The following CCDC126 variants were observed in gnomAD, a reference collection of about 807,000 sequenced individuals.
CCDC126 encodes coiled-coil domain-containing protein 126.
Under a neutral mutation model 11.7 loss-of-function variants are expected in CCDC126, and 5 were observed. That is an observed-to-expected ratio of 0.43 (90% confidence interval 0.22 to 0.90). The LOEUF (loss-of-function observed/expected upper bound fraction) is 0.90, where lower values mean the gene tolerates loss of function less well. Ranked by LOEUF, CCDC126 falls within the 40% of genes least tolerant of loss-of-function variation. The probability of loss-of-function intolerance (pLI) is 0.27; values close to 1 mark genes in which losing one functional copy is unlikely to be tolerated. For missense variants in CCDC126, 150 were observed against 163.1 expected (o/e 0.92, Z 0.44); for synonymous variants, 60 against 61.9 (o/e 0.97, Z 0.14).
intron 3 of CCDC126, among the ~76,000 whole-genome samples, chr7:23,618,765 G>T (rs1452880630): frequency 2.0e-5 from 3 of 151,686 alleles, no homozygotes; most frequent in African/African-American, 7.3e-5. Flanking sequence ...TTCAAGGCCA[G>T]GTTGGCCTTG....
chr7:23,617,366 A>AG (rs1782812770), intron 3 of CCDC126, among the ~76,000 whole-genome samples: 1 of 151,430 alleles, frequency 6.6e-6, no homozygotes, highest in African/African-American at 2.4e-5. Context: ...AAAAAAAAAA[A>AG]AAAAAAAAGA....
chr7:23,610,751 T>C lies in CCDC126; in HGVS notation c.-145-420T>C, dbSNP rs372888218. Among the ~76,000 whole-genome samples, 5 of 152,170 alleles carry C rather than the reference T, an allele frequency of 3.3e-5. No homozygotes were observed. In the East Asian group the frequency reaches 9.6e-4, roughly 29 times the overall value. ...TTAGACAGGCATTTTGATTTTCCGA[T>C]CCTTTTTCTTTCCTTCTTCCTAACT... On this transcript the variant is annotated intron_variant, in intron 2 of 3. Transcript: ENST00000307471.
At chr7:23,617,074 C>T (rs543145035) in intron 3 of CCDC126, among the ~76,000 whole-genome samples, 8 of 151,936 alleles carry the variant, frequency 5.3e-5, no homozygotes, top group South Asian at 2.1e-4. Flanking sequence ...TTGGGCTGGG[C>T]GCGGTGGCTC....
chr7:23,627,951 T>C (rs1337322742), intron 3 of CCDC126, among the ~76,000 whole-genome samples: 2 of 152,190 alleles, frequency 1.3e-5, no homozygotes, highest in African/African-American at 2.4e-5. Flanking sequence ...TTAAAAATTA[T>C]TGCTCTTGCA....
intron 3 of CCDC126, among the ~76,000 whole-genome samples, chr7:23,638,656 A>G (rs1417230790): frequency 6.0e-5 from 7 of 116,160 alleles, no homozygotes; most frequent in African/African-American, 2.1e-4. Flanking sequence ...TCCCTCCACT[A>G]TTGTCCTATG....
chr7:23,610,357 G>A (rs889616899), intron 2 of CCDC126, among the ~76,000 whole-genome samples: 6 of 152,034 alleles, frequency 3.9e-5, no homozygotes, highest in African/African-American at 1.4e-4. Flanking sequence ...GACTACAGGC[G>A]CATGCCACCA....
At chr7:23,618,743 G>A (rs889581391) in intron 3 of CCDC126, among the ~76,000 whole-genome samples, 15 of 151,416 alleles carry the variant, frequency 9.9e-5, no homozygotes, top group African/African-American at 3.6e-4. Context: ...GTAGAGATGA[G>A]GTTTTACCAT....
Position 23,644,694 on chromosome 7 carries a change from T to C in CCDC126, c.*1579T>C, listed in dbSNP as rs189430640. The stretch of plus-strand genomic sequence containing the variant: ...TTGTTTTCAGGGATGAAATAAAATA[T>C]ATTATTTCTACCTACAAAGTATTAC... On this transcript the variant is annotated 3_prime_UTR_variant, in exon 4 of 4. Coordinates refer to ENST00000307471, the MANE Select transcript of CCDC126 (RefSeq NM_138771.4). 3.2e-4 allele frequency: 49 copies of C among 152,556 alleles called. No individual in the cohort carries two copies. Among genetic ancestry groups the C allele is most frequent in the African/African-American group, 1.2e-3 (48 of 41,576 alleles). The allele number at this position is 152,556 out of a possible 1,614,324, so 9.5% of individuals were successfully genotyped here.
intron 3 of CCDC126, among the ~76,000 whole-genome samples, chr7:23,615,528 T>G (rs1782782410): frequency 6.6e-6 from 1 of 152,276 alleles, no homozygotes; most frequent in Non-Finnish European, 1.5e-5. Context: ...ACAACTTGGC[T>G]GTTTGGCACA....
chr7:23,627,697 C>T (rs1261845137), intron 3 of CCDC126, among the ~76,000 whole-genome samples: 5 of 152,116 alleles, frequency 3.3e-5, no homozygotes, highest in Non-Finnish European at 5.9e-5. Flanking sequence ...CTCCTGGGCT[C>T]AAGTGATCCT....
chr7:23,597,797 T>A (rs227937), intron 1 of CCDC126, 170 bp from the exon 2 acceptor site: 2 of 151,830 alleles, frequency 1.3e-5, no homozygotes, highest in Non-Finnish European at 2.9e-5. Context: ...TGTCCCTTCC[T>A]TTGGGCCGCG....
chr7:23,597,698 C>T (rs1021983260), intron 1 of CCDC126, 93 bp downstream of exon 1: 5 of 152,734 alleles, frequency 3.3e-5, no homozygotes, highest in Non-Finnish European at 7.3e-5. Flanking sequence ...GCGCCCCCGT[C>T]CCCGGTCCCC....
chr7:23,604,071 C>T (rs965689868), intron 2 of CCDC126: 1 of 152,118 alleles, frequency 6.6e-6, no homozygotes, highest in Admixed American at 6.6e-5. Flanking sequence ...GGTATTTTAC[C>T]TCGTCTCCTT....
At chr7:23,605,865 T>G (rs1782614034) in intron 2 of CCDC126, among the ~76,000 whole-genome samples, 1 of 152,146 alleles carries the variant, frequency 6.6e-6, no homozygotes, top group Non-Finnish European at 1.5e-5. Flanking sequence ...TAATCCTATG[T>G]TTAAGTTTTT....
rs1198889581 is a variant in CCDC126 at position 23,643,452 on chromosome 7, T to A, written c.*337T>A. On this transcript the variant is annotated 3_prime_UTR_variant, in exon 4 of 4. Coordinates refer to ENST00000307471, the MANE Select transcript of CCDC126 (RefSeq NM_138771.4). The stretch of plus-strand genomic sequence containing the variant: ...ACACTGAAAAACATGGATTCATTTC[T>A]ATAACACATTTATTTAAGTATATAA... 5.1e-6 allele frequency: 1 copy of A among 195,334 alleles called. No individual in the cohort carries two copies. Among genetic ancestry groups the A allele is most frequent in the Non-Finnish European group, 1.0e-5 (1 of 96,868 alleles). 12.1% of individuals were successfully genotyped at this position (195,334 alleles called of 1,614,324 possible). A position where few individuals can be genotyped will look rare whatever the true frequency, so the allele number is the denominator to read the frequency against.
intron 2 of CCDC126, among the ~76,000 whole-genome samples, chr7:23,606,797 A>C (rs1782630007): frequency 6.6e-6 from 1 of 152,298 alleles, no homozygotes; most frequent in African/African-American, 2.4e-5. Context: ...ACTCCAGACC[A>C]GGCACAGTGG....
intron 3 of CCDC126, among the ~76,000 whole-genome samples, chr7:23,630,590 T>G (rs760715317): frequency 2.6e-5 from 4 of 151,700 alleles, no homozygotes; most frequent in Non-Finnish European, 5.9e-5. Context: ...GCAGATTGCT[T>G]GAGAACAGGA....
At chr7:23,620,049 C>T (rs532647608) in intron 3 of CCDC126, among the ~76,000 whole-genome samples, 47 of 152,108 alleles carry the variant, frequency 3.1e-4, no homozygotes, top group African/African-American at 9.4e-4. Context: ...CATACGTGTG[C>T]GTGTGTCTTT....
At chr7:23,622,463 T>C (rs1285119364) in intron 3 of CCDC126, 1 of 410,552 alleles carries the variant, frequency 2.4e-6, no homozygotes, top group Non-Finnish European at 4.9e-6. Context: ...TATTTGACTC[T>C]TCTCTGATAC....
Sources: allele counts gnomAD v4.1 joint callset (sites outside exome capture counted in the v4.1 genomes callset), GRCh38; gene constraint gnomAD v4.1.1; transcripts MANE v1.5; gene names NCBI Gene and HGNC (gene_info 2026-07-23, HGNC 2026-07-21).